SLC6A15: variants seen among roughly 807,000 people sequenced by gnomAD.
SLC6A15 encodes solute carrier family 6 member 15, also known as sodium-dependent neutral amino acid transporter B(0)AT2.
A neutral mutation model predicts 68.5 loss-of-function variants in SLC6A15; 33 were observed. That is an observed-to-expected ratio of 0.48 (90% CI 0.37 to 0.64). The LOEUF (loss-of-function observed/expected upper bound fraction) is 0.64. SLC6A15 is among the 30% of genes least tolerant of loss of function. The probability of loss-of-function intolerance (pLI) is 0.00; values close to 1 mark genes in which losing one functional copy is unlikely to be tolerated. For synonymous variants in SLC6A15, 347 were observed against 301.0 expected (o/e 1.15, Z -1.58); for missense variants, 747 against 874.3 (o/e 0.85, Z 1.84).
chr12:84,880,556 A>T (rs570278525), intron 5 of SLC6A15, among the ~76,000 whole-genome samples: 10 of 152,214 alleles, frequency 6.6e-5, no homozygotes, highest in Admixed American at 4.6e-4. Flanking sequence ...CCAAAACTAG[A>T]TCAGTGTCTA....
intron 9 of SLC6A15, among the ~76,000 whole-genome samples, chr12:84,869,423 C>G (rs897187519): frequency 1.5e-5 from 2 of 137,758 alleles, no homozygotes; most frequent in Non-Finnish European, 3.0e-5. Flanking sequence ...GATCGCACTA[C>G]TGCTGCACTC....
At chr12:84,887,308 T>C (rs1198408940) in intron 2 of SLC6A15, among the ~76,000 whole-genome samples, 3 of 152,226 alleles carry the variant, frequency 2.0e-5, no homozygotes, top group Non-Finnish European at 1.5e-5. Flanking sequence ...ATTCGAATCG[T>C]CTTAATGGAA....
At chr12:84,877,440 G>A (rs939784671) in intron 5 of SLC6A15, among the ~76,000 whole-genome samples, 12 of 152,196 alleles carry the variant, frequency 7.9e-5, no homozygotes, top group African/African-American at 2.4e-4. Flanking sequence ...TTCTAATGTC[G>A]TTGGAGTGAA....
chr12:84,876,728 AT>A (rs1871565054), intron 5 of SLC6A15, 121 bp from the exon 6 acceptor site: 1 of 518,300 alleles, frequency 1.9e-6, no homozygotes, highest in African/African-American at 2.0e-5. Context: ...TAATAAAACT[AT>A]TAATAACTTC....
At chr12:84,893,038 C>T (rs1592608879) in intron 1 of SLC6A15, among the ~76,000 whole-genome samples, 2 of 152,228 alleles carry the variant, frequency 1.3e-5, no homozygotes, top group African/African-American at 4.8e-5. Context: ...CAAGGGATCC[C>T]GCCTTGGCCT....
At chr12:84,893,381 C>A (rs1294313417) in intron 1 of SLC6A15, among the ~76,000 whole-genome samples, 1 of 152,076 alleles carries the variant, frequency 6.6e-6, no homozygotes, top group African/African-American at 2.4e-5. Flanking sequence ...AGTCTCTTAA[C>A]AGCTCAGGAA....
intron 2 of SLC6A15, among the ~76,000 whole-genome samples, chr12:84,886,441 C>A (rs1872106304): frequency 6.6e-6 from 1 of 151,944 alleles, no homozygotes; most frequent in African/African-American, 2.4e-5. Flanking sequence ...TTTATGAACT[C>A]ATTTATTAAA....
At chr12:84,902,604 G>T (rs994193271) in intron 1 of SLC6A15, among the ~76,000 whole-genome samples, 1 of 151,870 alleles carries the variant, frequency 6.6e-6, no homozygotes, top group Non-Finnish European at 1.5e-5. Flanking sequence ...TCCAGTATGC[G>T]TTTCAATGGG....
rs1218375417 is a variant in SLC6A15 at position 84,873,286 on chromosome 12, T to A, written c.910A>T (p.Thr304Ser). The change falls in exon 7 of 12, where the codon ACT (threonine) becomes TCT (serine). Residue 304 changes from threonine to serine, a missense_variant. By Grantham distance (58) the Thr-to-Ser change is moderately conservative. Coordinates refer to ENST00000266682, the MANE Select transcript of SLC6A15 (RefSeq NM_182767.6). Reference sequence around the variant, plus strand: ...AGACCTAAGGCAAAGAACACTTGAGTAGCAGCTTCTCTCCAGACCTTGGGC... The same window carrying A: ...AGACCTAAGGCAAAGAACACTTGAGAAGCAGCTTCTCTCCAGACCTTGGGC... ...LEPKVWREAATQVFFALGLGF... is the reference protein window; with the variant it reads ...LEPKVWREAASQVFFALGLGF... 6.2e-7 allele frequency: 1 copy of A among 1,614,074 alleles called. No individual in the cohort carries two copies. Among genetic ancestry groups the A allele is most frequent in the Admixed American group, 1.7e-5 (1 of 60,012 alleles).
chr12:84,905,530 A>G (rs1873101653), intron 1 of SLC6A15, among the ~76,000 whole-genome samples: 1 of 152,232 alleles, frequency 6.6e-6, no homozygotes. Flanking sequence ...CTTATTCAAC[A>G]TAGTATTGGA....
At chr12:84,868,966 A>G (rs1871173516) in intron 9 of SLC6A15, among the ~76,000 whole-genome samples, 3 of 152,216 alleles carry the variant, frequency 2.0e-5, no homozygotes, top group African/African-American at 7.2e-5. Flanking sequence ...CTTGAATAAT[A>G]TAAAGCAGTT....
chr12:84,873,400 A>C (rs1871376036), intron 6 of SLC6A15, 72 bp from the exon 7 acceptor site: 1 of 1,536,748 alleles, frequency 6.5e-7, no homozygotes, highest in Non-Finnish European at 8.8e-7. Flanking sequence ...TATGGAATTT[A>C]CTGTTTATGG....
rs149971565 is a variant in SLC6A15, at chr12:84,874,298, TAAG to T, written c.868-973_868-971del. ...AGCTTCTTCAGAAAGATCAGAATAATAAGAAGTGTACCACTTACCACGGTGCCT... is the reference window on the plus strand; with the variant it reads ...AGCTTCTTCAGAAAGATCAGAATAATAAGTGTACCACTTACCACGGTGCCT... On this transcript the variant is annotated intron_variant, in intron 6 of 11. Transcript: ENST00000266682. 6.1e-3 allele frequency among the ~76,000 whole-genome samples: 932 copies of T among 152,262 alleles called. 12 individuals carry two copies. The highest frequency in any genetic ancestry group is 0.021 in the African/African-American group (887 of 41,564).
intron 2 of SLC6A15, among the ~76,000 whole-genome samples, chr12:84,889,838 G>T (rs1872307152): frequency 6.6e-6 from 1 of 152,136 alleles, no homozygotes; most frequent in Non-Finnish European, 1.5e-5. Context: ...CAGTGAAATT[G>T]ACTTCAAAAC....
chr12:84,903,748 G>A (rs76965064), intron 1 of SLC6A15, among the ~76,000 whole-genome samples: 6,212 of 152,072 alleles, frequency 0.041, 394 homozygotes, highest in African/African-American at 0.14. Context: ...ATGGCATGTA[G>A]GGCCCATCTG....
In SLC6A15 at chr12:84,886,067, A is replaced by G; in HGVS notation, c.291T>C (p.Gly97=). 1 of 1,573,866 alleles carries G rather than the reference A, an allele frequency of 6.4e-7. No homozygotes were observed. Among genetic ancestry groups the G allele is most frequent in the East Asian group, 2.2e-5 (1 of 44,578 alleles). ...FPYLCQKNGG[G]AYLLPYLILL... ...GTATTAAATATGGTAAAAGATATGC[A>G]CCTAAAGAAACAACAACAAAAAATA... The change falls in exon 3 of 12, where the codon GGT becomes GGC. Residue 97 remains glycine, a splice_region_variant and synonymous_variant. Transcript: ENST00000266682.
intron 6 of SLC6A15, among the ~76,000 whole-genome samples, chr12:84,875,503 G>T (rs887190515): frequency 6.6e-6 from 1 of 151,460 alleles, no homozygotes; most frequent in African/African-American, 2.4e-5. Context: ...AATCCCTTAT[G>T]CCCAAATCTC....
chr12:84,900,911 T>C (rs1346295568), intron 1 of SLC6A15, among the ~76,000 whole-genome samples: 1 of 128,688 alleles, frequency 7.8e-6, no homozygotes, highest in Non-Finnish European at 1.6e-5. Flanking sequence ...TAGATATGTA[T>C]ATATATACAT....
At chr12:84,877,317 T>C (rs757217353) in intron 5 of SLC6A15, among the ~76,000 whole-genome samples, 2 of 152,170 alleles carry the variant, frequency 1.3e-5, no homozygotes, top group Non-Finnish European at 2.9e-5. Flanking sequence ...CTCCATCCCA[T>C]TAGTAAAGCC....
Sources: allele counts gnomAD v4.1 joint callset (sites outside exome capture counted in the v4.1 genomes callset), GRCh38; gene constraint gnomAD v4.1.1; transcripts MANE v1.5; gene names NCBI Gene and HGNC (gene_info 2026-07-23, HGNC 2026-07-21).